The following DDO variants were observed in gnomAD, a reference collection of about 807,000 sequenced individuals.
DDO encodes the protein D-aspartate oxidase, DDO.
A neutral mutation model predicts 16.8 loss-of-function variants in DDO; 16 were observed. That is an observed-to-expected ratio of 0.95 (90% CI 0.65 to 1.45). The LOEUF is 1.45. Ranked by LOEUF, DDO falls within the 40% of genes most tolerant of loss-of-function variation. The pLI, the probability that DDO is intolerant of heterozygous loss-of-function variation, is 0.00. For missense variants in DDO, 429 were observed against 420.3 expected (o/e 1.02, Z -0.18); for synonymous variants, 180 against 167.2 (o/e 1.08, Z -0.59).
downstream of DDO, among the ~76,000 whole-genome samples, chr6:110,389,406 C>T (rs76586035): frequency 8.1e-3 from 1,236 of 152,312 alleles, 20 homozygotes; most frequent in African/African-American, 0.029. Context: ...ACATATGTCC[C>T]ACTGGTTCTG....
At chr6:110,406,571 A>G (rs1773663531) in intron 3 of DDO, among the ~76,000 whole-genome samples, 1 of 152,212 alleles carries the variant, frequency 6.6e-6, no homozygotes, top group Non-Finnish European at 1.5e-5. Context: ...ATATTTTTGA[A>G]ATGCAATTAT....
chr6:110,406,053 G>A (rs548146604), intron 3 of DDO, among the ~76,000 whole-genome samples: 1 of 152,134 alleles, frequency 6.6e-6, no homozygotes, highest in African/African-American at 2.4e-5. Flanking sequence ...GTCCTTTACT[G>A]CAGGGTTCTG....
At chr6:110,406,609 C>T (rs917911964) in intron 3 of DDO, among the ~76,000 whole-genome samples, 5 of 152,224 alleles carry the variant, frequency 3.3e-5, no homozygotes, top group African/African-American at 1.2e-4. Flanking sequence ...TGTAAACTCC[C>T]TCAATGGCTT....
chr6:110,391,940 T>A lies in DDO; in HGVS notation c.*835A>T, dbSNP rs1773113197. On this transcript the variant is annotated 3_prime_UTR_variant, in exon 5 of 5. Transcript: ENST00000368924. ...GTTCTTTGGCTGCACATGCTGTTCATCTTCAAAAATGCTTAGGCAAAGCCA... is the reference window on the plus strand; with the variant it reads ...GTTCTTTGGCTGCACATGCTGTTCAACTTCAAAAATGCTTAGGCAAAGCCA... 1.3e-5 allele frequency: 2 copies of A among 152,592 alleles called. No homozygotes were observed. The highest frequency in any genetic ancestry group is 4.8e-5 in the African/African-American group (2 of 41,454). The allele number at this position is 152,592 out of a possible 1,614,324, so 9.5% of individuals were successfully genotyped here. A position where few individuals can be genotyped will look rare whatever the true frequency, so the allele number is the denominator to read the frequency against.
Position 110,393,662 on chromosome 6 carries a change from A to G in DDO, c.459-320T>C, listed in dbSNP as rs546005125. On this transcript the variant is annotated intron_variant, in intron 4 of 4. Coordinates refer to ENST00000368924, the MANE Select transcript of DDO (RefSeq NM_001372108.2). ...TGAATAAATGCCAAGTTGATTTGGT[A>G]TTTTAAATGTCCAAGCATTTCTTAT... Among the ~76,000 whole-genome samples, 6 of 152,334 alleles carry G rather than the reference A, an allele frequency of 3.9e-5. No individual in the cohort carries two copies. In the East Asian group the frequency reaches 1.2e-3, roughly 29 times the overall value.
intron 3 of DDO, among the ~76,000 whole-genome samples, chr6:110,407,052 C>T (rs1202806143): frequency 6.6e-6 from 1 of 152,172 alleles, no homozygotes; most frequent in Non-Finnish European, 1.5e-5. Flanking sequence ...TTGCTCACTG[C>T]TATATCCCTA....
intron 3 of DDO, 30 bp from the exon 4 acceptor site, chr6:110,404,980 T>G (rs1368190427): frequency 1.3e-6 from 2 of 1,578,524 alleles, no homozygotes; most frequent in Non-Finnish European, 1.7e-6. Flanking sequence ...CATTTTTTCC[T>G]GAAATTTGTG....
intron 4 of DDO, 54 bp downstream of exon 4, chr6:110,404,720 A>G: frequency 6.3e-7 from 1 of 1,580,842 alleles, no homozygotes; most frequent in South Asian, 1.1e-5. Flanking sequence ...AATAGCTACG[A>G]AGTGATTTAT....
downstream of DDO, among the ~76,000 whole-genome samples, chr6:110,388,379 G>A (rs551010518): frequency 5.9e-5 from 9 of 152,280 alleles, no homozygotes; most frequent in Admixed American, 5.2e-4. Flanking sequence ...CCTGAAACAG[G>A]TTTCTAAGAA....
chr6:110,404,773 C>A lies in DDO; in HGVS notation c.458+1G>T. Reference sequence around the variant, plus strand: ...AAATATCAGGGAGCATTTCAACTGACCTTTTCTCCAACCACGGGAGGTAGG... The same window carrying A: ...AAATATCAGGGAGCATTTCAACTGAACTTTTCTCCAACCACGGGAGGTAGG... On this transcript the variant is annotated splice_donor_variant, in intron 4 of 4. Coordinates refer to ENST00000368924, the MANE Select transcript of DDO (RefSeq NM_001372108.2). LOFTEE classifies it high-confidence loss of function. 6.2e-7 allele frequency: 1 copy of A among 1,613,986 alleles called. No homozygotes were observed. The highest frequency in any genetic ancestry group is 2.2e-5 in the East Asian group (1 of 44,884).
intron 4 of DDO, among the ~76,000 whole-genome samples, chr6:110,401,030 CTG>C (rs1393353134): frequency 1.3e-5 from 2 of 152,250 alleles, no homozygotes; most frequent in Non-Finnish European, 2.9e-5. Flanking sequence ...CGGGGGCAGA[CTG>C]TGCCACTGTG....
In DDO at chr6:110,392,542, A is replaced by C; in HGVS notation, c.*233T>G. On this transcript the variant is annotated 3_prime_UTR_variant, in exon 5 of 5. Coordinates refer to ENST00000368924, the MANE Select transcript of DDO (RefSeq NM_001372108.2). ...GAGGTGGGAACTGGCACCTCTAAAA[A>C]ATGTTACCCAGATTGCACTCAAACT... 1 of 1,208,186 alleles carries C rather than the reference A, an allele frequency of 8.3e-7. No individual in the cohort carries two copies. 74.8% of individuals were successfully genotyped at this position (1,208,186 alleles called of 1,614,324 possible).
chr6:110,392,848 G>A lies in DDO; in HGVS notation c.953C>T (p.Ala318Val), dbSNP rs1773145226. 3 of 1,613,708 alleles carry A rather than the reference G, an allele frequency of 1.9e-6. No homozygotes were observed. ...SGGISVHWGT[A>V]LEAARLVSEC... The stretch of plus-strand genomic sequence containing the variant: ...GCTCACCAGCCTGGCGGCCTCCAGA[G>A]CAGTGCCCCAGTGCACTGAGATGCC... Residue 318 changes from alanine to valine, a missense_variant, in exon 5 of 5, where the codon GCT becomes GTT. By Grantham distance (64) the Ala-to-Val change is moderately conservative (BLOSUM62 0). Coordinates refer to ENST00000368924, the MANE Select transcript of DDO (RefSeq NM_001372108.2).
intron 4 of DDO, among the ~76,000 whole-genome samples, chr6:110,395,140 TG>T (rs374199388): frequency 6.6e-6 from 1 of 152,356 alleles, no homozygotes; most frequent in African/African-American, 2.4e-5. Flanking sequence ...AAAGTGTTTT[TG>T]GATGAGAAAA....
At chr6:110,404,730 T>C in intron 4 of DDO, 44 bp downstream of exon 4, 1 of 1,596,764 alleles carries the variant, frequency 6.3e-7, no homozygotes, top group Non-Finnish European at 8.6e-7. Flanking sequence ...AAGTGATTTA[T>C]GGCTATGACA....
chr6:110,393,465 A>C (rs1381568134), intron 4 of DDO, 123 bp from the exon 5 acceptor site: 1 of 1,377,818 alleles, frequency 7.3e-7, no homozygotes, highest in East Asian at 2.5e-5. Flanking sequence ...ACACCTCAGG[A>C]GCTTCCAGGG....
intron 2 of DDO, among the ~76,000 whole-genome samples, chr6:110,410,685 A>C (rs1773825449): frequency 6.6e-6 from 1 of 152,196 alleles, no homozygotes; most frequent in Admixed American, 6.5e-5. Flanking sequence ...TATCATGAGA[A>C]CAGCAGCATG....
intron 4 of DDO, among the ~76,000 whole-genome samples, chr6:110,395,430 C>T (rs1438674883): frequency 6.6e-6 from 1 of 151,446 alleles, no homozygotes; most frequent in African/African-American, 2.4e-5. Context: ...GCCAACTCAC[C>T]CTGCCGATCT....
At chr6:110,401,633 C>T (rs1267202214) in intron 4 of DDO, among the ~76,000 whole-genome samples, 10 of 152,028 alleles carry the variant, frequency 6.6e-5, no homozygotes, top group Admixed American at 1.3e-4. Flanking sequence ...GATATAAATA[C>T]ATATAGGAAA....
Sources: gnomAD v4.1 joint callset for allele counts (sites outside exome capture counted in the v4.1 genomes callset) on GRCh38, gnomAD v4.1.1 for gene constraint, MANE v1.5 for transcripts, NCBI Gene and HGNC (gene_info 2026-07-23, HGNC 2026-07-21) for gene names.